Variants in PLEKHA1 observed in about 807,000 individuals in gnomAD.
The protein encoded by PLEKHA1 is pleckstrin homology domain-containing family A member 1.
PLEKHA1 carries 34 observed loss-of-function variants against 52.0 expected under a neutral mutation model. That is an observed-to-expected ratio of 0.65 (90% CI 0.50 to 0.87). The LOEUF (loss-of-function observed/expected upper bound fraction) is 0.87. Ranked by LOEUF, PLEKHA1 falls within the 40% of genes least tolerant of loss-of-function variation. The pLI is 0.00. For missense variants in PLEKHA1, 497 were observed against 504.2 expected (o/e 0.99, Z 0.14); for synonymous variants, 163 against 170.7 (o/e 0.95, Z 0.35).
chr10:122,425,487 G>C (rs892706750), intron 10 of PLEKHA1: 1 of 152,260 alleles, frequency 6.6e-6, no homozygotes, highest in African/African-American at 2.4e-5. Flanking sequence ...GGGAGGCCAA[G>C]GCAGGCACAT....
intron 11 of PLEKHA1, 65 bp downstream of exon 11, chr10:122,427,096 C>A: frequency 7.1e-7 from 1 of 1,407,112 alleles, no homozygotes; most frequent in Non-Finnish European, 9.9e-7. Context: ...AATTTCCTCT[C>A]TCCCAATCCA....
intron 1 of PLEKHA1, among the ~76,000 whole-genome samples, chr10:122,391,398 G>GT (rs1565157684): frequency 1.3e-5 from 2 of 152,056 alleles, no homozygotes; most frequent in African/African-American, 4.8e-5. Flanking sequence ...AAGTTTTCTG[G>GT]TTTTAGCTCT....
At chr10:122,416,172 A>G (rs552395784) in intron 7 of PLEKHA1, among the ~76,000 whole-genome samples, 170 bp downstream of exon 7, 8 of 152,236 alleles carry the variant, frequency 5.3e-5, no homozygotes, top group African/African-American at 1.4e-4. Context: ...TTATAATTCA[A>G]TGCTGTTATT....
intron 8 of PLEKHA1, chr10:122,422,127 AAT>A (rs2133408828): frequency 6.6e-6 from 1 of 152,314 alleles, no homozygotes. Flanking sequence ...ATAGAATAAA[AAT>A]GAGTCATAAA....
At chr10:122,406,412 C>T (rs1590646727) in intron 4 of PLEKHA1, among the ~76,000 whole-genome samples, 164 bp from the exon 5 acceptor site, 1 of 152,160 alleles carries the variant, frequency 6.6e-6, no homozygotes, top group African/African-American at 2.4e-5. Flanking sequence ...AGAGTTTTAC[C>T]TGTGTTATTG....
intron 1 of PLEKHA1, among the ~76,000 whole-genome samples, chr10:122,379,447 G>C (rs2096584862): frequency 2.0e-5 from 3 of 152,212 alleles, no homozygotes; most frequent in Admixed American, 6.5e-5. Context: ...CAGTCACTCA[G>C]TCTGCTGCAT....
intron 8 of PLEKHA1, chr10:122,423,127 TAA>T (rs1554935768): frequency 1.7e-4 from 26 of 149,828 alleles, no homozygotes; most frequent in African/African-American, 6.1e-4. Flanking sequence ...TTTTTTTTTT[TAA>T]AAAAGCACTC....
intron 1 of PLEKHA1, among the ~76,000 whole-genome samples, chr10:122,380,203 A>G (rs1406448684): frequency 1.3e-5 from 2 of 152,238 alleles, no homozygotes; most frequent in African/African-American, 4.8e-5. Context: ...TCTTTGATGC[A>G]GTAATTATGG....
Position 122,393,479 on chromosome 10 carries a change from C to T in PLEKHA1, c.141+138C>T. On this transcript the variant is annotated intron_variant, in intron 2 of 11. Transcript: ENST00000368990. This position sits in a 1 kb window ranked among gnomAD's most constrained non-coding sequence, Gnocchi z 4.5. ...ATTTCTACTGGCTGTCCTCTCTGCC[C>T]TGCACCCCTGACCTCTACTGTTTTG... The T allele has an allele frequency of 2.7e-6, 2 of 745,814 alleles. No individual in the cohort carries two copies. The highest frequency in any genetic ancestry group is 3.9e-6 in the Non-Finnish European group (2 of 517,198). 46.2% of individuals were successfully genotyped at this position (745,814 alleles called of 1,614,324 possible). A position where few individuals can be genotyped will look rare whatever the true frequency, so the allele number is the denominator to read the frequency against.
intron 11 of PLEKHA1, 42 bp downstream of exon 11, chr10:122,427,073 CCCCATCCTATCAAATTTCCTCTCT>C: frequency 6.6e-7 from 1 of 1,526,450 alleles, no homozygotes; most frequent in Non-Finnish European, 9.0e-7. Flanking sequence ...CTTGCGTCTC[CCCCATCCTATCAAATTTCCTCTCT>C]CCCAATCCAT....
chr10:122,413,117 AAC>A (rs771035221), intron 6 of PLEKHA1, 72 bp downstream of exon 6: 1 of 1,325,294 alleles, frequency 7.5e-7, no homozygotes, highest in Admixed American at 2.2e-5. Flanking sequence ...TTAAAACTAA[AAC>A]AGTGCATCTT....
At chr10:122,409,259 C>A (rs2097070790) in intron 5 of PLEKHA1, among the ~76,000 whole-genome samples, 1 of 152,090 alleles carries the variant, frequency 6.6e-6, no homozygotes. Flanking sequence ...CCCAACAAAC[C>A]CACTTGTAAA....
intron 8 of PLEKHA1, chr10:122,423,746 TTAG>T (rs2097297269): frequency 1.3e-5 from 2 of 157,248 alleles, no homozygotes; most frequent in African/African-American, 4.8e-5. Flanking sequence ...GTCTCAGCAC[TTAG>T]TAAACATTCA....
intron 1 of PLEKHA1, among the ~76,000 whole-genome samples, chr10:122,378,029 A>T (rs2096562104): frequency 6.6e-6 from 1 of 152,164 alleles, no homozygotes; most frequent in Non-Finnish European, 1.5e-5. Flanking sequence ...ATTCTCCAGA[A>T]AGTTGTGGTT....
chr10:122,424,891 T>A lies in PLEKHA1; in HGVS notation c.747-5T>A, dbSNP rs2097315440. ...TAAGTATAATTGGATTTTTTTTTCA[T>A]ACAGCGACATAATGATGAGGGACAA... On this transcript the variant is annotated splice_region_variant and splice_polypyrimidine_tract_variant and intron_variant, in intron 9 of 11. Transcript: ENST00000368990. 2 of 1,605,832 alleles carry A rather than the reference T, an allele frequency of 1.2e-6. No individual in the cohort carries two copies. Among genetic ancestry groups the A allele is most frequent in the East Asian group, 4.5e-5 (2 of 44,600 alleles).
At chr10:122,407,323 T>C (rs76797659) in intron 5 of PLEKHA1, among the ~76,000 whole-genome samples, 7,915 of 152,276 alleles carry the variant, frequency 0.052, 258 homozygotes, top group East Asian at 0.14. Context: ...TGTGCTTCTT[T>C]TCTTTTTTGG....
chr10:122,396,105 T>G (rs1326890758), intron 2 of PLEKHA1, among the ~76,000 whole-genome samples: 1 of 152,120 alleles, frequency 6.6e-6, no homozygotes, highest in South Asian at 2.1e-4. Context: ...CTACTTAAAT[T>G]TCCCCATAGT....
At chr10:122,429,516 G>GTGTA in intron 11 of PLEKHA1, 108 bp from the exon 12 acceptor site, 2 of 873,070 alleles carry the variant, frequency 2.3e-6, no homozygotes, top group Non-Finnish European at 3.5e-6. Flanking sequence ...GTGTGTGTGT[G>GTGTA]TGTGTGTGTG....
chr10:122,426,799 G>T (rs752839713), intron 10 of PLEKHA1, 143 bp from the exon 11 acceptor site: 18 of 706,472 alleles, frequency 2.5e-5, no homozygotes, highest in Non-Finnish European at 3.9e-5. Context: ...TTAAAAAAAT[G>T]ATTTCTAAAT....
Sources: allele counts gnomAD v4.1 joint callset (sites outside exome capture counted in the v4.1 genomes callset), GRCh38; gene constraint gnomAD v4.1.1; non-coding constraint Gnocchi (gnomAD v3.1); transcripts MANE v1.5; gene names NCBI Gene and HGNC (gene_info 2026-07-23, HGNC 2026-07-21).